Variants in PHYKPL observed in about 807,000 individuals in gnomAD.
PHYKPL encodes the protein 5-phosphohydroxy-L-lysine phospho-lyase, also known as 5-phosphonooxy-L-lysine phospho-lyase.
A neutral mutation model predicts 51.3 loss-of-function variants in PHYKPL; 42 were observed. That is an observed-to-expected ratio of 0.82 (90% CI 0.64 to 1.06). The LOEUF is 1.06. Ranked by LOEUF, PHYKPL falls within the 50% of genes least tolerant of loss-of-function variation. PHYKPL has a pLI of 0.00. For synonymous variants in PHYKPL, 264 were observed against 236.0 expected, an observed-to-expected ratio of 1.12 and a Z score of -1.09; for missense variants, 655 against 586.6, an observed-to-expected ratio of 1.12 and a Z score of -1.20.
Position 178,211,905 on chromosome 5 carries a change from G to C in PHYKPL, c.*16C>G. 1.2e-6 allele frequency: 2 copies of C among 1,613,672 alleles called. No homozygotes were observed. The highest frequency in any genetic ancestry group is 2.2e-5 in the South Asian group (2 of 91,052). ...GCCCACTCACCTGGAGTACACTTAG[G>C]CAGAGCAGGGCTGGCTTAGGGCTGG... is the stretch of plus-strand genomic sequence containing the variant. On this transcript the variant is annotated 3_prime_UTR_variant, in exon 12 of 13. Coordinates refer to ENST00000308158, the MANE Select transcript of PHYKPL (RefSeq NM_153373.4).
chr5:178,210,591 G>A, intron 12 of PHYKPL: 1 of 1,613,544 alleles, frequency 6.2e-7, no homozygotes. Context: ...CCAGCGACGT[G>A]GTGGCCATCA....
rs1195608852 is a variant in PHYKPL at position 178,232,531 on chromosome 5, G to A, written c.20C>T (p.Pro7Leu). 2.3e-6 allele frequency: 3 copies of A among 1,322,646 alleles called. No individual in the cohort carries two copies. The highest frequency in any genetic ancestry group is 6.2e-5 in the East Asian group (2 of 32,504). The allele number at this position is 1,322,646 out of a possible 1,614,324, so 81.9% of individuals were successfully genotyped here. A position where few individuals can be genotyped will look rare whatever the true frequency, so the allele number is the denominator to read the frequency against. ...CCTCAGGGCCAGCGTGTCGGCCTTC[G>A]GGCGCTGGTCTGCGGCCATGGTGGG... Reference protein sequence around the residue: MAADQRPKADTLALRQR... With the variant: MAADQRLKADTLALRQR... Residue 7 changes from proline (P) to leucine (L), a missense_variant, in exon 1 of 13, where the codon CCG (proline) becomes CTG (leucine). Coordinates refer to ENST00000308158, the MANE Select transcript of PHYKPL (RefSeq NM_153373.4).
chr5:178,214,247 A>C (rs1237982001), intron 10 of PHYKPL, among the ~76,000 whole-genome samples: 1 of 152,088 alleles, frequency 6.6e-6, no homozygotes, highest in Non-Finnish European at 1.5e-5. Flanking sequence ...TAGAAGGAGA[A>C]GAAGTCCTGA....
intron 6 of PHYKPL, chr5:178,223,496 GA>G: frequency 2.2e-6 from 1 of 456,240 alleles, no homozygotes; most frequent in South Asian, 1.5e-5. Flanking sequence ...ATATGGCAAT[GA>G]TTTCCCAACC....
At chr5:178,211,170 G>A (rs1447497513) in intron 12 of PHYKPL, 1 of 156,326 alleles carries the variant, frequency 6.4e-6, no homozygotes, top group Non-Finnish European at 1.4e-5. Flanking sequence ...CCAAGCCTGG[G>A]TGAGTGTGGG....
chr5:178,210,109 C>G, intron 12 of PHYKPL: 1 of 1,613,382 alleles, frequency 6.2e-7, no homozygotes, highest in Middle Eastern at 1.7e-4. Context: ...TCCACGGGCC[C>G]CTGTGCCCTG....
Position 178,224,483 on chromosome 5 carries a change from G to A in PHYKPL, c.583C>T (p.Arg195Cys), listed in dbSNP as rs536281724. ...PAMAYANEVK[R>C]VVSSAQEKGR... is the part of the protein sequence containing the mutation. ...TTCTCCTGTGCACTGCTGACCACAC[G>A]TTTCACCTCGTTGGCATAGGCCATA... The change falls in exon 6 of 13, where the codon CGT becomes TGT. Residue 195 changes from arginine to cysteine, a missense_variant. Physicochemically the swap from Arg to Cys is radical, Grantham distance 180. Coordinates refer to ENST00000308158, the MANE Select transcript of PHYKPL (RefSeq NM_153373.4). The A allele has an allele frequency of 1.2e-5, 19 of 1,607,908 alleles. No individual in the cohort carries two copies. The highest frequency in any genetic ancestry group is 5.0e-5 in the Admixed American group (3 of 59,756).
chr5:178,214,838 G>C lies in PHYKPL; in HGVS notation c.1130C>G (p.Thr377Arg). 6.2e-7 allele frequency: 1 copy of C among 1,613,606 alleles called. No individual in the cohort carries two copies. The highest frequency in any genetic ancestry group is 1.3e-5 in the African/African-American group (1 of 74,924). The change falls in exon 10 of 13, where the codon ACA becomes AGA. Residue 377 changes from threonine to arginine, a missense_variant. Coordinates refer to ENST00000308158, the MANE Select transcript of PHYKPL (RefSeq NM_153373.4). The part of the protein sequence containing the change: ...IGVDLIKDEA[T>R]RTPATEEAAY... ...AGCCTCTTCAGTTGCTGGTGTCCTT[G>C]TGGCCTCATCTTTGATCAGATCCAC... is the stretch of plus-strand genomic sequence containing the variant.
chr5:178,230,150 A>T, intron 2 of PHYKPL, 51 bp from the exon 3 acceptor site: 1 of 1,605,478 alleles, frequency 6.2e-7, no homozygotes, highest in South Asian at 1.1e-5. Context: ...AGCCAGTCCC[A>T]CTGGGCCTCC....
rs762163274 is a variant in PHYKPL, at chr5:178,211,895, GT to G, written c.*25del. 1.9e-6 allele frequency: 3 copies of G among 1,612,580 alleles called. No homozygotes were observed. The South Asian group carries it at 3.3e-5, about 18-fold the overall frequency. On this transcript the variant is annotated 3_prime_UTR_variant, in exon 12 of 13. Transcript: ENST00000308158. ...AAGAAGCAAGGCCCACTCACCTGGA[GT>G]ACACTTAGGCAGAGCAGGGCTGGCT...
chr5:178,231,795 T>C lies in PHYKPL; in HGVS notation c.60-272A>G, dbSNP rs567017946. ...GCCTCCTTGCTCATTTCTGCATGTG[T>C]CCGCGTCAGTCTCCCGGATCCTGAG... On this transcript the variant is annotated intron_variant, in intron 1 of 12. Transcript: ENST00000308158. 5 of 1,415,610 alleles carry C rather than the reference T, an allele frequency of 3.5e-6. No individual in the cohort carries two copies. In the Admixed American group the frequency reaches 8.6e-5, roughly 24 times the overall value. 87.7% of individuals were successfully genotyped at this position (1,415,610 alleles called of 1,614,324 possible). A position where few individuals can be genotyped will look rare whatever the true frequency, so the allele number is the denominator to read the frequency against.
chr5:178,212,334 C>T (rs1758708903), intron 11 of PHYKPL, among the ~76,000 whole-genome samples: 1 of 152,238 alleles, frequency 6.6e-6, no homozygotes, highest in South Asian at 2.1e-4. Flanking sequence ...CAGTGATCAC[C>T]CAGAGGTAGG....
chr5:178,225,617 G>C (rs764757600), intron 3 of PHYKPL, 188 bp from the exon 4 acceptor site: 8 of 602,916 alleles, frequency 1.3e-5, no homozygotes, highest in Non-Finnish European at 2.1e-5. Context: ...AAAAAGAGTA[G>C]GTAAAACAGA....
chr5:178,215,373 T>C lies in PHYKPL; in HGVS notation c.985A>G (p.Lys329Glu). Reference protein sequence around the residue: ...VGLAVLNVLEKEQLQDHATSV... With the variant: ...VGLAVLNVLEEEQLQDHATSV... ...GTGGCATGATCCTGGAGCTGCTCCT[T>C]CTCCAAGACATTCAGGACGGCCAGC... Residue 329 changes from lysine to glutamate, a missense_variant, in exon 9 of 13, where the codon AAG (lysine) becomes GAG (glutamate). By Grantham distance (56) the Lys-to-Glu change is moderately conservative. Transcript: ENST00000308158. 7 of 1,613,892 alleles carry C rather than the reference T, an allele frequency of 4.3e-6. No individual in the cohort carries two copies. The highest frequency in any genetic ancestry group is 1.1e-5 in the South Asian group (1 of 91,036).
In PHYKPL at chr5:178,222,899, C is replaced by T. The variant is rs1761477346; in HGVS notation, c.654G>A (p.Val218=). ...CAGCAGGGGGAATGATCTGCCCTCC[C>T]ACACTGGGCAGAGACTCAGCGAAGA... ...AAFFAESLPS[V]GGQIIPPAGY... Residue 218 remains valine, a synonymous_variant, in exon 7 of 13, where the codon GTG becomes GTA. Coordinates refer to ENST00000308158, the MANE Select transcript of PHYKPL (RefSeq NM_153373.4). 2 of 1,614,044 alleles carry T rather than the reference C, an allele frequency of 1.2e-6. No individual in the cohort carries two copies. Among genetic ancestry groups the T allele is most frequent in the Non-Finnish European group, 1.7e-6 (2 of 1,180,034 alleles).
intron 6 of PHYKPL, chr5:178,223,620 A>G (rs1581315010): frequency 2.6e-6 from 1 of 381,116 alleles, no homozygotes; most frequent in Middle Eastern, 6.7e-4. Flanking sequence ...GTGGTCGCAG[A>G]GCACCTGAAA....
intron 3 of PHYKPL, among the ~76,000 whole-genome samples, chr5:178,227,607 G>C (rs1186127628): frequency 6.6e-6 from 1 of 152,230 alleles, no homozygotes; most frequent in Non-Finnish European, 1.5e-5. Flanking sequence ...GGCAGGGTAG[G>C]AGAGGAAGTG....
intron 12 of PHYKPL, chr5:178,210,462 C>A: frequency 6.7e-7 from 1 of 1,492,340 alleles, no homozygotes; most frequent in Non-Finnish European, 9.3e-7. Context: ...GCTGTCACGG[C>A]TGGTGAGGGT....
chr5:178,213,189 T>C, intron 10 of PHYKPL, 86 bp from the exon 11 acceptor site: 2 of 1,554,900 alleles, frequency 1.3e-6, no homozygotes, highest in Non-Finnish European at 1.7e-6. Context: ...CCAGCCACAC[T>C]GTCCTCAGAG....
Sources: allele counts gnomAD v4.1 joint callset (sites outside exome capture counted in the v4.1 genomes callset), GRCh38; gene constraint gnomAD v4.1.1; transcripts MANE v1.5; gene names NCBI Gene and HGNC (gene_info 2026-07-23, HGNC 2026-07-21).